The following RMDN2 variants were observed in gnomAD, a reference collection of about 807,000 sequenced individuals.
The protein encoded by RMDN2 is regulator of microtubule dynamics protein 2.
RMDN2 carries 61 observed loss-of-function variants against 52.8 expected under a neutral mutation model. That is an observed-to-expected ratio of 1.16 (90% confidence interval 0.94 to 1.43). RMDN2 has a LOEUF of 1.43. RMDN2 is among the 40% of genes most tolerant of loss of function. RMDN2 has a pLI of 0.00. For missense variants in RMDN2, 592 were observed against 475.3 expected (o/e 1.25, Z -2.28); for synonymous variants, 180 against 153.1 (o/e 1.18, Z -1.30).
intron 10 of RMDN2, among the ~76,000 whole-genome samples, chr2:38,052,197 T>C (rs1452468893): frequency 6.6e-6 from 1 of 152,234 alleles, no homozygotes; most frequent in Non-Finnish European, 1.5e-5. Context: ...TTGGTCTTTT[T>C]GATAATAGAC....
intron 2 of RMDN2, among the ~76,000 whole-genome samples, chr2:37,947,811 A>G (rs1024389011): frequency 3.3e-5 from 5 of 152,198 alleles, no homozygotes; most frequent in Non-Finnish European, 1.5e-5. Flanking sequence ...AATTCAAGTT[A>G]ACTCAGTCAA....
intron 2 of RMDN2, among the ~76,000 whole-genome samples, chr2:37,944,536 A>G (rs1380497852): frequency 6.6e-6 from 1 of 152,220 alleles, no homozygotes; most frequent in East Asian, 1.9e-4. Context: ...TACATTTAAT[A>G]GTAGCCTTTC....
chr2:37,942,322 C>T (rs1380019903), intron 2 of RMDN2, among the ~76,000 whole-genome samples: 1 of 152,186 alleles, frequency 6.6e-6, no homozygotes, highest in Non-Finnish European at 1.5e-5. Context: ...CTGGATGCTG[C>T]AGACTGGAGC....
rs779891138 is a variant in RMDN2, at chr2:37,929,369, G to A, written c.92G>A (p.Arg31His). 7.1e-6 allele frequency: 11 copies of A among 1,551,562 alleles called. No homozygotes were observed. The highest frequency in any genetic ancestry group is 4.9e-5 in the East Asian group (2 of 40,920). ...SLLLLWYHKV[R>H]KPGIAMKLPE... ...CTGCTCTTGTGGTACCACAAGGTCC[G>A]TAAACCAGGGATAGCAATGAAGTTA... The change falls in exon 2 of 11, where the codon CGT becomes CAT. Residue 31 changes from arginine to histidine, a missense_variant. Physicochemically the swap from Arg to His is conservative, Grantham distance 29 (BLOSUM62 0). Coordinates refer to ENST00000354545, the MANE Select transcript of RMDN2 (RefSeq NM_001170791.3).
chr2:38,013,461 G>C (rs944575361), intron 10 of RMDN2, among the ~76,000 whole-genome samples: 1 of 152,160 alleles, frequency 6.6e-6, no homozygotes, highest in South Asian at 2.1e-4. Flanking sequence ...TGTACTCTGG[G>C]AGTGCTAAAA....
At chr2:37,999,644 G>A (rs1034914845) in intron 8 of RMDN2, among the ~76,000 whole-genome samples, 8 of 152,130 alleles carry the variant, frequency 5.3e-5, no homozygotes, top group African/African-American at 1.7e-4. Context: ...GGGAAGTGGA[G>A]GAGATGAAAG....
chr2:37,933,177 G>C (rs1372959195), intron 2 of RMDN2, among the ~76,000 whole-genome samples: 3 of 151,934 alleles, frequency 2.0e-5, no homozygotes, highest in Non-Finnish European at 4.4e-5. Flanking sequence ...GACGATGGGC[G>C]GCCGGGCAGA....
chr2:38,054,139 T>C (rs1558591493), intron 10 of RMDN2, among the ~76,000 whole-genome samples: 1 of 152,242 alleles, frequency 6.6e-6, no homozygotes, highest in East Asian at 1.9e-4. Flanking sequence ...TGTGCACTTC[T>C]GCTTCCTCAA....
rs750709080 is a variant in RMDN2, at chr2:37,981,289, C to T, written c.737C>T (p.Thr246Ile). The T allele has an allele frequency of 6.3e-7, 1 of 1,593,622 alleles. No homozygotes were observed. The highest frequency in any genetic ancestry group is 1.3e-5 in the African/African-American group (1 of 74,536). Residue 246 changes from threonine (T) to isoleucine (I), a missense_variant, in exon 5 of 11, where the codon ACT becomes ATT. Coordinates refer to ENST00000354545, the MANE Select transcript of RMDN2 (RefSeq NM_001170791.3). ...AAGTACTTTTATCTTTCAGGAAAAA[C>T]TTTAAGTGAAAGAGCTATTAATAGA... ...EKKHYANIGKTLSERAINRAP... is the reference protein window; with the variant it reads ...EKKHYANIGKILSERAINRAP...
chr2:38,051,889 T>A (rs1054654515), intron 10 of RMDN2, among the ~76,000 whole-genome samples: 1 of 152,154 alleles, frequency 6.6e-6, no homozygotes, highest in Non-Finnish European at 1.5e-5. Flanking sequence ...TTCCATTGGG[T>A]ATATACCACA....
chr2:37,936,277 T>G (rs1040373395), intron 2 of RMDN2, among the ~76,000 whole-genome samples: 1 of 152,218 alleles, frequency 6.6e-6, no homozygotes. Context: ...ATGTGACACA[T>G]TTTCTTTATC....
At chr2:37,946,551 T>G (rs987109753) in intron 2 of RMDN2, among the ~76,000 whole-genome samples, 1 of 152,196 alleles carries the variant, frequency 6.6e-6, no homozygotes, top group African/African-American at 2.4e-5. Context: ...CATGAAGTAT[T>G]TGCATTAATG....
At chr2:37,922,718 T>C (rs764993267), upstream of RMDN2, among the ~76,000 whole-genome samples, 1 of 152,308 alleles carries the variant, frequency 6.6e-6, no homozygotes, top group Admixed American at 6.5e-5. Context: ...GGTCCTTCCA[T>C]AAGTTTTGAT....
At chr2:37,932,488 C>T (rs1375960463) in intron 2 of RMDN2, among the ~76,000 whole-genome samples, 16 of 148,714 alleles carry the variant, frequency 1.1e-4, no homozygotes, top group Admixed American at 7.3e-4. Context: ...GGCAACCATC[C>T]GATTTCTCAA....
chr2:38,006,996 C>T (rs1488390463), intron 10 of RMDN2, among the ~76,000 whole-genome samples: 1 of 152,124 alleles, frequency 6.6e-6, no homozygotes, highest in East Asian at 1.9e-4. Context: ...TGTTTATATG[C>T]TGGATTACAT....
intron 3 of RMDN2, 49 bp downstream of exon 3, chr2:37,974,263 A>AT: frequency 8.4e-7 from 1 of 1,187,252 alleles, no homozygotes; most frequent in Non-Finnish European, 1.2e-6. Flanking sequence ...TTTTAATTTA[A>AT]TCTGCCATCT....
At chr2:37,986,369 C>G (rs1674020159) in intron 5 of RMDN2, among the ~76,000 whole-genome samples, 1 of 151,994 alleles carries the variant, frequency 6.6e-6, no homozygotes, top group Non-Finnish European at 1.5e-5. Context: ...TAAATTCTAC[C>G]AAATACTTAA....
At chr2:38,014,630 G>C (rs1381962177) in intron 10 of RMDN2, among the ~76,000 whole-genome samples, 2 of 152,182 alleles carry the variant, frequency 1.3e-5, no homozygotes, top group African/African-American at 2.4e-5. Context: ...TATTTATCCA[G>C]TCTTTAGCAG....
intron 10 of RMDN2, among the ~76,000 whole-genome samples, chr2:38,004,603 G>A (rs1558539147): frequency 6.6e-6 from 1 of 151,746 alleles, no homozygotes. Context: ...CTGAAACTGT[G>A]TACCCTAGAC....
Sources: gnomAD v4.1 joint callset for allele counts (sites outside exome capture counted in the v4.1 genomes callset) on GRCh38, gnomAD v4.1.1 for gene constraint, MANE v1.5 for transcripts, NCBI Gene and HGNC (gene_info 2026-07-23, HGNC 2026-07-21) for gene names.